Variants in KCNIP4 observed in about 807,000 individuals in gnomAD.
KCNIP4 encodes Kv channel-interacting protein 4.
Under a neutral mutation model 34.0 loss-of-function variants are expected in KCNIP4, and 12 were observed. The ratio of observed to expected loss-of-function variants is 0.35; its 90% confidence interval spans 0.23 to 0.57. The LOEUF (loss-of-function observed/expected upper bound fraction) is 0.57. Among genes scored for constraint, KCNIP4 ranks in the 20% least tolerant of loss-of-function variants. The pLI is 0.83. For synonymous variants in KCNIP4, 124 were observed against 102.2 expected (o/e 1.21, Z -1.29); for missense variants, 238 against 311.7 (o/e 0.76, Z 1.78).
chr4:21,526,042 A>G (rs1168704389), intron 1 of KCNIP4, among the ~76,000 whole-genome samples: 1 of 152,178 alleles, frequency 6.6e-6, no homozygotes, highest in Non-Finnish European at 1.5e-5. Context: ...CAGATGGCAT[A>G]TGAATGGATG....
At chr4:21,615,098 TGAAA>T (rs1440681428) in intron 1 of KCNIP4, among the ~76,000 whole-genome samples, 1 of 151,476 alleles carries the variant, frequency 6.6e-6, no homozygotes, top group Non-Finnish European at 1.5e-5. Context: ...GTAGCACAAT[TGAAA>T]GAAAGAATGA....
chr4:21,547,001 C>A (rs780216230), intron 1 of KCNIP4, among the ~76,000 whole-genome samples: 4 of 152,040 alleles, frequency 2.6e-5, no homozygotes, highest in East Asian at 1.9e-4. Context: ...TCCTTTCTAC[C>A]ACGGAAAAAA....
At chr4:20,837,540 A>G (rs1373262078) in intron 3 of KCNIP4, among the ~76,000 whole-genome samples, 3 of 151,862 alleles carry the variant, frequency 2.0e-5, no homozygotes, top group African/African-American at 7.3e-5. Context: ...TTTTAGTTTT[A>G]GCCACAAAAC....
chr4:21,944,647 A>G (rs994590801), intron 1 of KCNIP4, among the ~76,000 whole-genome samples: 3 of 152,128 alleles, frequency 2.0e-5, no homozygotes, highest in Non-Finnish European at 4.4e-5. Flanking sequence ...CATTCATTCA[A>G]TATCTGTTGT....
Position 21,368,974 on chromosome 4 carries a change from T to C in KCNIP4, c.62-486265A>G, listed in dbSNP as rs533604615. 1.2e-4 allele frequency among the ~76,000 whole-genome samples: 18 copies of C among 147,046 alleles called. 3 individuals are homozygous for C. The highest frequency in any genetic ancestry group is 4.9e-4 in the African/African-American group (18 of 36,802). ...TTCATCCACTAATCCATCCATCCAT[T>C]CATTTGTCAATCCATCCATCCATCC... On this transcript the variant is annotated intron_variant, in intron 1 of 8. Coordinates refer to ENST00000382152, the MANE Select transcript of KCNIP4 (RefSeq NM_025221.6).
chr4:21,783,417 A>G (rs1420014425), intron 1 of KCNIP4, among the ~76,000 whole-genome samples: 2 of 152,300 alleles, frequency 1.3e-5, no homozygotes, highest in East Asian at 3.9e-4. Flanking sequence ...AACAGGCCTA[A>G]ATATAAATAA....
rs1237980403 is a variant in KCNIP4, at chr4:21,428,194, T to C, written c.61+520377A>G. On this transcript the variant is annotated intron_variant, in intron 1 of 8. Coordinates refer to ENST00000382152, the MANE Select transcript of KCNIP4 (RefSeq NM_025221.6). ...AACAAAACAATGATTATTACAGGCA[T>C]AGTGCTGTCTCTGTCATTTTCTCAT... Among the ~76,000 whole-genome samples the C allele has an allele frequency of 2.0e-5, 3 of 152,156 alleles. No homozygotes were observed. In the East Asian group the frequency reaches 5.8e-4, roughly 29 times the overall value.
At chr4:20,745,771 G>A (rs1752285387) in intron 5 of KCNIP4, among the ~76,000 whole-genome samples, 1 of 152,134 alleles carries the variant, frequency 6.6e-6, no homozygotes, top group Non-Finnish European at 1.5e-5. Flanking sequence ...GTGCCTCAGT[G>A]CTGGCCACTA....
chr4:21,758,923 A>C (rs1423243657), intron 1 of KCNIP4, among the ~76,000 whole-genome samples: 3 of 151,394 alleles, frequency 2.0e-5, no homozygotes, highest in Admixed American at 1.3e-4. Context: ...AGATAAGGAT[A>C]ATAATAACAA....
intron 1 of KCNIP4, among the ~76,000 whole-genome samples, chr4:21,725,244 A>G (rs1228521155): frequency 6.6e-6 from 1 of 152,108 alleles, no homozygotes; most frequent in Non-Finnish European, 1.5e-5. Flanking sequence ...CCTATACAAA[A>G]AAATCCCCAG....
chr4:21,071,162 C>T (rs1170178925), intron 1 of KCNIP4, among the ~76,000 whole-genome samples: 1 of 152,058 alleles, frequency 6.6e-6, no homozygotes, highest in Non-Finnish European at 1.5e-5. Context: ...TGTCTAAGAA[C>T]TCACAAGTCC....
intron 1 of KCNIP4, among the ~76,000 whole-genome samples, chr4:21,221,719 G>A (rs775941180): frequency 3.4e-4 from 51 of 152,178 alleles, no homozygotes; most frequent in Non-Finnish European, 5.9e-4. Flanking sequence ...TCTGGCAGCA[G>A]TGGATTGAAA....
chr4:21,617,778 T>A (rs1172767326), intron 1 of KCNIP4, among the ~76,000 whole-genome samples: 2 of 152,196 alleles, frequency 1.3e-5, no homozygotes. Context: ...TTTTTATGGA[T>A]CTGGGCTGTT....
At chr4:20,944,782 C>T (rs551950850) in intron 1 of KCNIP4, among the ~76,000 whole-genome samples, 2 of 152,312 alleles carry the variant, frequency 1.3e-5, no homozygotes, top group African/African-American at 2.4e-5. Context: ...AGCCAGGAAG[C>T]TTTGGGGACA....
chr4:20,861,720 A>G (rs1722214809), intron 2 of KCNIP4, among the ~76,000 whole-genome samples: 1 of 152,116 alleles, frequency 6.6e-6, no homozygotes, highest in Non-Finnish European at 1.5e-5. Flanking sequence ...TTTCCATTCT[A>G]GGAGAATGAG....
At chr4:21,391,208 G>A (rs982062707) in intron 1 of KCNIP4, among the ~76,000 whole-genome samples, 3 of 152,100 alleles carry the variant, frequency 2.0e-5, no homozygotes, top group South Asian at 4.1e-4. Context: ...TACTTAAAGA[G>A]TACCTACTAT....
chr4:20,980,607 T>C (rs896001313), intron 1 of KCNIP4, among the ~76,000 whole-genome samples: 18 of 152,192 alleles, frequency 1.2e-4, no homozygotes, highest in Admixed American at 1.1e-3. Flanking sequence ...CTGCTTTATC[T>C]CAACATTAAT....
chr4:20,803,223 A>T (rs1046187839), intron 3 of KCNIP4, among the ~76,000 whole-genome samples: 39 of 152,038 alleles, frequency 2.6e-4, no homozygotes, highest in African/African-American at 8.9e-4. Flanking sequence ...GATCTCAAAT[A>T]GATAGTCTAA....
intron 1 of KCNIP4, among the ~76,000 whole-genome samples, chr4:21,448,860 T>C (rs1345096706): frequency 2.0e-5 from 3 of 152,128 alleles, no homozygotes; most frequent in Non-Finnish European, 2.9e-5. Context: ...TCCTGACATA[T>C]ATAGGAGGTC....
Sources: gnomAD v4.1 joint callset for allele counts (sites outside exome capture counted in the v4.1 genomes callset) on GRCh38, gnomAD v4.1.1 for gene constraint, MANE v1.5 for transcripts, NCBI Gene and HGNC (gene_info 2026-07-23, HGNC 2026-07-21) for gene names.